The following UNC79 variants were observed in gnomAD, a reference collection of about 807,000 sequenced individuals.
UNC79 encodes unc-79 subunit of NALCN channel complex, also known as protein unc-79 homolog.
Under a neutral mutation model 283.1 loss-of-function variants are expected in UNC79, and 37 were observed. The ratio of observed to expected loss-of-function variants is 0.13; its 90% CI spans 0.10 to 0.17. The LOEUF (loss-of-function observed/expected upper bound fraction) is 0.17. Ranked by LOEUF, UNC79 falls within the 10% of genes least tolerant of loss-of-function variation. The probability of loss-of-function intolerance (pLI) is 1.00; values close to 1 mark genes in which losing one functional copy is unlikely to be tolerated. For synonymous variants in UNC79, 1,107 were observed against 1,200.2 expected (o/e 0.92, Z 1.61); for missense variants, 2,272 against 3,211.1 (o/e 0.71, Z 7.07).
chr14:93,689,975 A>G (rs11623485), intron 44 of UNC79, 142 bp from the exon 48 acceptor site: 9 of 795,116 alleles, frequency 1.1e-5, no homozygotes, highest in Non-Finnish European at 1.8e-5. Flanking sequence ...CATTTTGTTG[A>G]CACTCAATTG....
rs538467435 is a variant in UNC79, at chr14:93,388,590, A to G, written c.-351+55067A>G. Among the ~76,000 whole-genome samples, 17 of 152,318 alleles carry G rather than the reference A, an allele frequency of 1.1e-4. No individual in the cohort carries two copies. In the South Asian group the frequency reaches 3.5e-3, roughly 32 times the overall value. The stretch of plus-strand genomic sequence containing the variant: ...GCAGCAATTCATATTCCAACCAGTG[A>G]TGCATGAGGGTGTCCATTACTCTGC... On this transcript the variant is annotated intron_variant, in intron 1 of 49. Coordinates refer to the UNC79 transcript ENST00000256339.
intron 1 of UNC79, among the ~76,000 whole-genome samples, chr14:93,337,315 T>C (rs2053599947): frequency 6.6e-6 from 1 of 152,248 alleles, no homozygotes; most frequent in African/African-American, 2.4e-5. Flanking sequence ...AAAGCTCTTC[T>C]TAAGTTTGTT....
intron 38 of UNC79, among the ~76,000 whole-genome samples, chr14:93,656,461 AC>A (rs2070942995): frequency 1.3e-5 from 2 of 151,492 alleles, no homozygotes; most frequent in South Asian, 2.1e-4. Context: ...AAAAAAAAAA[AC>A]ATAGGCTAGG....
intron 1 of UNC79, among the ~76,000 whole-genome samples, chr14:93,344,048 C>T (rs868458693): frequency 2.6e-5 from 4 of 152,056 alleles, no homozygotes; most frequent in Non-Finnish European, 5.9e-5. Context: ...TGGCAGGGAG[C>T]TTAATTGTGT....
At chr14:93,451,594 C>T (rs2056644540) in intron 1 of UNC79, among the ~76,000 whole-genome samples, 1 of 152,224 alleles carries the variant, frequency 6.6e-6, no homozygotes, top group Non-Finnish European at 1.5e-5. Context: ...TTCAGATATT[C>T]TGAGTTGAGG....
intron 14 of UNC79, among the ~76,000 whole-genome samples, chr14:93,543,950 C>A (rs949703124): frequency 1.3e-5 from 2 of 152,106 alleles, no homozygotes; most frequent in Non-Finnish European, 2.9e-5. Context: ...TGGAGATGTA[C>A]TTCTTTCTTC....
intron 26 of UNC79, among the ~76,000 whole-genome samples, chr14:93,605,272 T>C (rs1416891179): frequency 6.6e-6 from 1 of 152,146 alleles, no homozygotes; most frequent in African/African-American, 2.4e-5. Flanking sequence ...GTATGTGTCT[T>C]TACACATAGA....
chr14:93,539,287 C>T (rs2061254610), intron 12 of UNC79, among the ~76,000 whole-genome samples: 1 of 149,840 alleles, frequency 6.7e-6, no homozygotes, highest in South Asian at 2.1e-4. Context: ...CTTTGAGAGA[C>T]CGAGGCGGGT....
At chr14:93,357,675 CCATA>C (rs1466238521) in intron 1 of UNC79, among the ~76,000 whole-genome samples, 28 of 37,408 alleles carry the variant, frequency 7.5e-4, no homozygotes, top group African/African-American at 2.2e-3. Context: ...TAATAAACTC[CCATA>C]TATATATATA....
chr14:93,471,107 G>A (rs1293739999), intron 2 of UNC79, among the ~76,000 whole-genome samples: 3 of 152,162 alleles, frequency 2.0e-5, no homozygotes, highest in Non-Finnish European at 4.4e-5. Flanking sequence ...AAAATGGATT[G>A]TAGATGCAGC....
At chr14:93,645,464 C>T (rs1281047927) in intron 34 of UNC79, among the ~76,000 whole-genome samples, 2 of 152,214 alleles carry the variant, frequency 1.3e-5, no homozygotes, top group Admixed American at 6.5e-5. Context: ...ACCAAGAAAA[C>T]AGATTCAACT....
intron 14 of UNC79, among the ~76,000 whole-genome samples, chr14:93,562,012 G>A (rs2062589401): frequency 6.6e-6 from 1 of 152,164 alleles, no homozygotes; most frequent in Admixed American, 6.5e-5. Context: ...ATGAAGGGAT[G>A]TATTAGGCTC....
chr14:93,695,675 T>TGAGGCCAGGAGTTCAA, intron 47 of UNC79, among the ~76,000 whole-genome samples: 1 of 152,014 alleles, frequency 6.6e-6, no homozygotes, highest in Admixed American at 6.6e-5. Context: ...GCAGATCACT[T>TGAGGCCAGGAGTTCAA]GAGGCCAGGA....
At chr14:93,333,187 C>T (rs997784724), upstream of UNC79, 2 of 401,652 alleles carry the variant, frequency 5.0e-6, no homozygotes, top group Admixed American at 4.4e-5. Context: ...GGTGCGTTCG[C>T]TGGATCCATG....
intron 1 of UNC79, among the ~76,000 whole-genome samples, chr14:93,434,219 G>T (rs1345336122): frequency 3.2e-5 from 4 of 125,622 alleles, no homozygotes; most frequent in Non-Finnish European, 1.7e-5. Context: ...GTCTCAAAAA[G>T]AAAAAAAAAA....
intron 35 of UNC79, among the ~76,000 whole-genome samples, chr14:93,650,643 CT>C (rs1344623875): frequency 6.6e-6 from 1 of 151,996 alleles, no homozygotes; most frequent in Non-Finnish European, 1.5e-5. Flanking sequence ...GGGTTGTTGT[CT>C]TTTTATTGCT....
At chr14:93,703,583 C>T (rs893163032) in intron 47 of UNC79, among the ~76,000 whole-genome samples, 4 of 152,188 alleles carry the variant, frequency 2.6e-5, no homozygotes, top group African/African-American at 9.7e-5. Flanking sequence ...ATTCAACAAT[C>T]CCATTTCCAA....
At chr14:93,491,971 T>C (rs893282327) in intron 5 of UNC79, among the ~76,000 whole-genome samples, 1 of 152,126 alleles carries the variant, frequency 6.6e-6, no homozygotes, top group Admixed American at 6.5e-5. Context: ...TAGGTCATGG[T>C]TCTGTTGTTT....
intron 32 of UNC79, among the ~76,000 whole-genome samples, chr14:93,638,900 A>G (rs754123012): frequency 1.7e-4 from 26 of 152,304 alleles, no homozygotes; most frequent in Admixed American, 1.6e-3. Flanking sequence ...TTAGCGATCC[A>G]TTGATTCAGC....
Sources: gnomAD v4.1 joint callset for allele counts (sites outside exome capture counted in the v4.1 genomes callset) on GRCh38, gnomAD v4.1.1 for gene constraint, MANE v1.5 for transcripts, NCBI Gene and HGNC (gene_info 2026-07-23, HGNC 2026-07-21) for gene names.